Variants in B3GALT1 observed in about 807,000 individuals in gnomAD.
B3GALT1 encodes the protein beta-1,3-galactosyltransferase 1.
A neutral mutation model predicts 23.2 loss-of-function variants in B3GALT1; 10 were observed. The ratio of observed to expected loss-of-function variants is 0.43; its 90% CI spans 0.27 to 0.73. B3GALT1 has a LOEUF of 0.73. Among genes scored for constraint, B3GALT1 ranks in the 30% least tolerant of loss-of-function variants. The probability of loss-of-function intolerance (pLI) is 0.21; values close to 1 mark genes in which losing one functional copy is unlikely to be tolerated. For synonymous variants in B3GALT1, 156 were observed against 141.5 expected, an observed-to-expected ratio of 1.10 and a Z score of -0.73; for missense variants, 299 against 405.4, an observed-to-expected ratio of 0.74 and a Z score of 2.25.
intron 3 of B3GALT1, among the ~76,000 whole-genome samples, chr2:167,665,482 T>A (rs1292044787): frequency 1.3e-5 from 2 of 151,138 alleles, no homozygotes; most frequent in Non-Finnish European, 2.9e-5. Flanking sequence ...CCTCATAAAA[T>A]GAGTTAGGGA....
intron 1 of B3GALT1, among the ~76,000 whole-genome samples, chr2:167,435,433 CAAAAAAAAAA>C (rs1159357073): frequency 1.4e-3 from 37 of 26,210 alleles, no homozygotes; most frequent in African/African-American, 3.1e-3. Flanking sequence ...CATATGCTTG[CAAAAAAAAAA>C]AAAAAAAAAA....
intron 1 of B3GALT1, among the ~76,000 whole-genome samples, chr2:167,425,894 G>A (rs1012527518): frequency 1.3e-5 from 2 of 151,886 alleles, no homozygotes; most frequent in Non-Finnish European, 2.9e-5. Context: ...CTTAAAAGTC[G>A]AACTGAAAAA....
chr2:167,522,092 A>C (rs1302063141), intron 2 of B3GALT1, among the ~76,000 whole-genome samples: 2 of 150,710 alleles, frequency 1.3e-5, no homozygotes, highest in Non-Finnish European at 3.0e-5. Flanking sequence ...GGAATTACTG[A>C]TATGGCCATT....
At chr2:167,302,347 TAA>T (rs1363309123) in intron 1 of B3GALT1, among the ~76,000 whole-genome samples, 1 of 151,738 alleles carries the variant, frequency 6.6e-6, no homozygotes, top group African/African-American at 2.4e-5. Context: ...AAATCTATAC[TAA>T]AAAAAACTGT....
At chr2:167,573,850 A>G (rs550305558) in intron 2 of B3GALT1, among the ~76,000 whole-genome samples, 1 of 151,786 alleles carries the variant, frequency 6.6e-6, no homozygotes, top group South Asian at 2.1e-4. Flanking sequence ...TAATCTGACA[A>G]GGTGCAATTC....
At chr2:167,743,840 T>A (rs1687613898) in intron 3 of B3GALT1, among the ~76,000 whole-genome samples, 1 of 152,128 alleles carries the variant, frequency 6.6e-6, no homozygotes, top group African/African-American at 2.4e-5. Flanking sequence ...AAAACTCATC[T>A]TTATTACCTC....
intron 1 of B3GALT1, among the ~76,000 whole-genome samples, chr2:167,449,467 G>A (rs933360538): frequency 3.9e-5 from 6 of 152,142 alleles, no homozygotes; most frequent in African/African-American, 1.4e-4. Flanking sequence ...ATTGCTGAAT[G>A]TATTTACCAG....
chr2:167,584,806 G>A (rs967471373), intron 2 of B3GALT1, among the ~76,000 whole-genome samples: 3 of 152,148 alleles, frequency 2.0e-5, no homozygotes, highest in Non-Finnish European at 4.4e-5. Flanking sequence ...ATGGAAAGGG[G>A]CACGGAGCTT....
chr2:167,630,487 T>C (rs1685420652), intron 2 of B3GALT1, among the ~76,000 whole-genome samples: 1 of 151,826 alleles, frequency 6.6e-6, no homozygotes, highest in African/African-American at 2.4e-5. Flanking sequence ...TATTATTAAT[T>C]ATTGTTATAT....
intron 1 of B3GALT1, among the ~76,000 whole-genome samples, chr2:167,414,921 A>AT (rs1698445008): frequency 1.3e-5 from 2 of 152,134 alleles, no homozygotes; most frequent in African/African-American, 4.8e-5. Flanking sequence ...TTTAACAGAT[A>AT]TTTTTCAAAC....
chr2:167,743,164 A>T (rs1182874324), intron 3 of B3GALT1, among the ~76,000 whole-genome samples: 4 of 152,086 alleles, frequency 2.6e-5, no homozygotes, highest in African/African-American at 9.7e-5. Flanking sequence ...TATTTACCCA[A>T]ACTCCTACTA....
intron 4 of B3GALT1, among the ~76,000 whole-genome samples, chr2:167,841,638 T>TC (rs374648911): frequency 3.9e-4 from 60 of 152,248 alleles, no homozygotes; most frequent in African/African-American, 1.4e-3. Context: ...CCTTCCAGCC[T>TC]CCCCCTTCTC....
intron 2 of B3GALT1, among the ~76,000 whole-genome samples, chr2:167,560,503 A>G (rs1683957822): frequency 6.6e-6 from 1 of 152,252 alleles, no homozygotes; most frequent in Non-Finnish European, 1.5e-5. Flanking sequence ...TAAAAGACAC[A>G]GACTGGCAAA....
At chr2:167,649,067 T>C (rs1032809547) in intron 3 of B3GALT1, among the ~76,000 whole-genome samples, 2 of 152,134 alleles carry the variant, frequency 1.3e-5, no homozygotes, top group Non-Finnish European at 2.9e-5. Flanking sequence ...GTTTTTTTAT[T>C]GACTCACTGG....
At chr2:167,732,296 C>T (rs542798203) in intron 3 of B3GALT1, among the ~76,000 whole-genome samples, 49 of 152,314 alleles carry the variant, frequency 3.2e-4, no homozygotes, top group African/African-American at 1.1e-3. Context: ...TATGGTAAGA[C>T]TTTCTGTCGA....
chr2:167,786,030 G>C (rs1407593250), intron 3 of B3GALT1, among the ~76,000 whole-genome samples: 1 of 152,184 alleles, frequency 6.6e-6, no homozygotes, highest in Non-Finnish European at 1.5e-5. Flanking sequence ...ATTTCCAGTT[G>C]TTCCCACTAG....
At chr2:167,522,562 A>C (rs1042111585) in intron 2 of B3GALT1, among the ~76,000 whole-genome samples, 58 of 152,270 alleles carry the variant, frequency 3.8e-4, no homozygotes, top group African/African-American at 1.2e-3. Flanking sequence ...ATCAAAAGAC[A>C]TATTTAATTA....
chr2:167,462,434 G>A (rs781381341), intron 1 of B3GALT1, among the ~76,000 whole-genome samples: 1 of 152,116 alleles, frequency 6.6e-6, no homozygotes, highest in Admixed American at 6.5e-5. Flanking sequence ...TGTAATAAAC[G>A]ATTTCAAGAC....
intron 3 of B3GALT1, among the ~76,000 whole-genome samples, chr2:167,784,310 C>T (rs1031906224): frequency 3.9e-5 from 6 of 152,134 alleles, no homozygotes; most frequent in Non-Finnish European, 7.3e-5. Flanking sequence ...AGATGCTGTC[C>T]ACAGACCATT....
Sources: gnomAD v4.1 joint callset for allele counts (sites outside exome capture counted in the v4.1 genomes callset) on GRCh38, gnomAD v4.1.1 for gene constraint, MANE v1.5 for transcripts, NCBI Gene and HGNC (gene_info 2026-07-23, HGNC 2026-07-21) for gene names.